The following FASTKD1 variants were observed in gnomAD, a reference collection of about 807,000 sequenced individuals.
The protein encoded by FASTKD1 is FAST kinase domains 1.
A neutral mutation model predicts 90.9 loss-of-function variants in FASTKD1; 94 were observed. The observed-to-expected ratio is 1.03, with a 90% CI of 0.88 to 1.23. The LOEUF is 1.23. FASTKD1 is among the 50% of genes most tolerant of loss of function. The probability of loss-of-function intolerance (pLI) is 0.00; values close to 1 mark genes in which losing one functional copy is unlikely to be tolerated. For missense variants in FASTKD1, 945 were observed against 993.5 expected (o/e 0.95, Z 0.66); for synonymous variants, 319 against 345.8 (o/e 0.92, Z 0.86).
chr2:169,534,113 A>G (rs140704250), intron 12 of FASTKD1, among the ~76,000 whole-genome samples: 200 of 147,586 alleles, frequency 1.4e-3, no homozygotes, highest in Non-Finnish European at 2.4e-3. Context: ...AGAGGTTGCA[A>G]TGAACCGTGA....
intron 2 of FASTKD1, among the ~76,000 whole-genome samples, chr2:169,570,146 C>T (rs778926213): frequency 1.3e-4 from 20 of 152,118 alleles, no homozygotes; most frequent in Admixed American, 2.6e-4. Context: ...ATTTAAATAA[C>T]CCCTGAAGGT....
rs1400514520 is a variant in FASTKD1 at position 169,543,221 on chromosome 2, T to C, written c.1816+1500A>G. 3.3e-5 allele frequency among the ~76,000 whole-genome samples: 5 copies of C among 152,296 alleles called. No individual in the cohort carries two copies. In the South Asian group the frequency reaches 1.0e-3, roughly 32 times the overall value. On this transcript the variant is annotated intron_variant, in intron 9 of 14. Coordinates refer to ENST00000453153, the MANE Select transcript of FASTKD1 (RefSeq NM_024622.6). ...GCTCACATCTGTAATCCCAGCACTT[T>C]GGGAGGCTGAGGTGGGTGGATCACC... is the stretch of plus-strand genomic sequence containing the variant.
rs561990858 is a variant in FASTKD1, at chr2:169,572,668, T to C, written c.-142-497A>G. Among the ~76,000 whole-genome samples, 334 of 151,900 alleles carry C rather than the reference T, an allele frequency of 2.2e-3. 1 individual carries two copies. Among genetic ancestry groups the C allele is most frequent in the African/African-American group, 7.6e-3 (316 of 41,486 alleles). The stretch of plus-strand genomic sequence containing the variant: ...TCAAATAATTCCTTTCTTTAGAAAA[T>C]AAATAAATAAAAGAAGTCATATAAT... On this transcript the variant is annotated intron_variant, in intron 1 of 14. Coordinates refer to ENST00000453153, the MANE Select transcript of FASTKD1 (RefSeq NM_024622.6).
At chr2:169,548,589 G>A (rs560538846) in intron 7 of FASTKD1, among the ~76,000 whole-genome samples, 17 of 151,742 alleles carry the variant, frequency 1.1e-4, no homozygotes, top group East Asian at 1.9e-4. Flanking sequence ...AAAATTAGCC[G>A]GGCGTGGTGG....
intron 10 of FASTKD1, among the ~76,000 whole-genome samples, chr2:169,539,562 G>C (rs963952177): frequency 6.6e-6 from 1 of 152,108 alleles, no homozygotes; most frequent in Admixed American, 6.5e-5. Context: ...GAGCTCAAGA[G>C]TTTGAGACCA....
At chr2:169,553,097 C>T (rs1685566167) in intron 7 of FASTKD1, among the ~76,000 whole-genome samples, 1 of 151,888 alleles carries the variant, frequency 6.6e-6, no homozygotes, top group Admixed American at 6.6e-5. Flanking sequence ...ATCTCAGCTA[C>T]TTGGGAGGCT....
intron 12 of FASTKD1, among the ~76,000 whole-genome samples, chr2:169,536,060 C>G (rs1030883467): frequency 9.2e-5 from 14 of 151,578 alleles, no homozygotes; most frequent in African/African-American, 3.4e-4. Context: ...GCAGGAGGAT[C>G]GCTTGAGCCC....
intron 7 of FASTKD1, among the ~76,000 whole-genome samples, chr2:169,553,271 C>CAAA (rs374454211): frequency 0.17 from 13,185 of 79,018 alleles, 1,800 homozygotes; most frequent in Admixed American, 0.2. Context: ...TAAAAGCATG[C>CAAA]AAAAAAAAAA....
At chr2:169,545,567 T>C (rs1438836290) in intron 8 of FASTKD1, among the ~76,000 whole-genome samples, 2 of 152,208 alleles carry the variant, frequency 1.3e-5, no homozygotes, top group Non-Finnish European at 2.9e-5. Flanking sequence ...TCTCACATAA[T>C]CCATAAAGCG....
rs1016172683 is a variant in FASTKD1, at chr2:169,529,745, C to A, written c.*80G>T. The A allele has an allele frequency of 1.1e-6, 1 of 904,638 alleles. No homozygotes were observed. The highest frequency in any genetic ancestry group is 1.7e-5 in the African/African-American group (1 of 59,348). 56.0% of individuals were successfully genotyped at this position (904,638 alleles called of 1,614,324 possible). The stretch of plus-strand genomic sequence containing the variant: ...ATGTTCCCACCTTAGGACATTTGTA[C>A]CTATTTTTTAATTGAGACAGGCCAC... On this transcript the variant is annotated 3_prime_UTR_variant, in exon 15 of 15. Coordinates refer to ENST00000453153, the MANE Select transcript of FASTKD1 (RefSeq NM_024622.6).
chr2:169,531,490 T>C lies in FASTKD1; in HGVS notation c.2189A>G (p.Asp730Gly). The change falls in exon 13 of 15, where the codon GAT becomes GGT. Residue 730 changes from aspartate to glycine, a missense_variant and splice_region_variant. Asp to Gly is a moderately conservative substitution (Grantham distance 94). Coordinates refer to ENST00000453153, the MANE Select transcript of FASTKD1 (RefSeq NM_024622.6). The part of the protein sequence containing the change: ...SVLTPYYHKV[D>G]FECILDKRKK... ...TCTTTTATCCAAGATACACTCAAAA[T>C]CTTAAGGAAGCATAGAAACTGGTAG... 6.3e-7 allele frequency: 1 copy of C among 1,599,054 alleles called. No individual in the cohort carries two copies.
intron 4 of FASTKD1, among the ~76,000 whole-genome samples, chr2:169,561,864 T>TTTATTAATTTATTGTA (rs1559156859): frequency 0.019 from 345 of 17,826 alleles, no homozygotes; most frequent in Admixed American, 0.042. Context: ...TATTGTAAAA[T>TTTATTAATTTATTGTA]AATTATTTAT....
In FASTKD1 at chr2:169,563,079, T is replaced by A. The variant is rs1020269166; in HGVS notation, c.572+146A>T. On this transcript the variant is annotated intron_variant, in intron 4 of 14. Transcript: ENST00000453153. ...CAATATTGCAAAGTAGCTATTACTA[T>A]CCCTCTTTTGCAGATGAGGATAACG... 3.6e-5 allele frequency: 24 copies of A among 668,710 alleles called. No homozygotes were observed. The Admixed American group carries it at 6.8e-4, about 19-fold the overall frequency. 41.4% of individuals were successfully genotyped at this position (668,710 alleles called of 1,614,324 possible).
At chr2:169,564,952 C>CTTTTTTT (rs557658819) in intron 3 of FASTKD1, among the ~76,000 whole-genome samples, 1 of 109,006 alleles carries the variant, frequency 9.2e-6, no homozygotes, top group Non-Finnish European at 1.9e-5. Context: ...CCACATTTTT[C>CTTTTTTT]TTTTTTTTTT....
In FASTKD1 at chr2:169,544,910, T is replaced by G. The variant is rs750603867; in HGVS notation, c.1702-75A>C. Reference sequence around the variant, plus strand: ...ACAAAATTTTAACCTAATTATTTTTTAGGAGAAATCTTTTCCTATCATCGC... The same window carrying G: ...ACAAAATTTTAACCTAATTATTTTTGAGGAGAAATCTTTTCCTATCATCGC... On this transcript the variant is annotated intron_variant, in intron 8 of 14. Transcript: ENST00000453153. 330 of 775,910 alleles carry G rather than the reference T, an allele frequency of 4.3e-4. 1 individual carries two copies. The highest frequency in any genetic ancestry group is 6.1e-4 in the Non-Finnish European group (291 of 478,722). 48.1% of individuals were successfully genotyped at this position (775,910 alleles called of 1,614,324 possible). A position where few individuals can be genotyped will look rare whatever the true frequency, so the allele number is the denominator to read the frequency against.
chr2:169,544,309 C>T (rs977949605), intron 9 of FASTKD1, among the ~76,000 whole-genome samples: 14 of 152,252 alleles, frequency 9.2e-5, no homozygotes, highest in Admixed American at 3.9e-4. Flanking sequence ...GTGGCTCACA[C>T]CTGTAATCCC....
rs747804603 is a variant in FASTKD1 at position 169,546,293 on chromosome 2, A to C, written c.1626T>G (p.Phe542Leu). Residue 542 changes from phenylalanine to leucine, a missense_variant, in exon 8 of 15, where the codon TTT becomes TTG. Physicochemically the swap from Phe to Leu is conservative, Grantham distance 22 (BLOSUM62 0). Transcript: ENST00000453153. ...NYINVGEIASFISSTDYLSTL... is the reference protein window; with the variant it reads ...NYINVGEIASLISSTDYLSTL... The stretch of plus-strand genomic sequence containing the variant: ...TACTGAGGTAATCAGTACTAGAAAT[A>C]AAAGATGCAATCTCCCCAACATTTA... 1.9e-6 allele frequency: 3 copies of C among 1,613,712 alleles called. No individual in the cohort carries two copies. Among genetic ancestry groups the C allele is most frequent in the Non-Finnish European group, 2.5e-6 (3 of 1,179,870 alleles).
chr2:169,555,295 T>C (rs781308247), intron 6 of FASTKD1, 40 bp from the exon 7 acceptor site: 1 of 1,542,522 alleles, frequency 6.5e-7, no homozygotes, highest in Non-Finnish European at 8.8e-7. Context: ...AGTTCATTCA[T>C]TTATTACACA....
At chr2:169,553,632 A>G (rs1374399081) in intron 7 of FASTKD1, among the ~76,000 whole-genome samples, 1 of 152,150 alleles carries the variant, frequency 6.6e-6, no homozygotes, top group African/African-American at 2.4e-5. Context: ...ACAGTAAAAA[A>G]TCAGGCCGGG....
Sources: gnomAD v4.1 joint callset for allele counts (sites outside exome capture counted in the v4.1 genomes callset) on GRCh38, gnomAD v4.1.1 for gene constraint, MANE v1.5 for transcripts, NCBI Gene and HGNC (gene_info 2026-07-23, HGNC 2026-07-21) for gene names.